The following PIH1D2 variants were observed in gnomAD, a reference collection of about 807,000 sequenced individuals.
PIH1D2 encodes PIH1 domain-containing protein 2.
PIH1D2 carries 25 observed loss-of-function variants against 31.2 expected under a neutral mutation model. The observed-to-expected ratio is 0.80, with a 90% confidence interval of 0.58 to 1.12. The LOEUF is 1.12. Ranked by LOEUF, PIH1D2 falls within the 50% of genes most tolerant of loss-of-function variation. PIH1D2 has a pLI of 0.00. For synonymous variants in PIH1D2, 116 were observed against 119.9 expected, an observed-to-expected ratio of 0.97 and a Z score of 0.21; for missense variants, 310 against 356.6, an observed-to-expected ratio of 0.87 and a Z score of 1.05.
chr11:112,055,008 T>A, the PIH1D2 span, among the ~76,000 whole-genome samples: 1 of 152,292 alleles, frequency 6.6e-6, no homozygotes. Flanking sequence ...CTCAGGATCC[T>A]AATTATACCT....
Position 112,068,011 on chromosome 11 carries a change from A to G in PIH1D2, c.814-6T>C. On this transcript the variant is annotated splice_polypyrimidine_tract_variant and splice_region_variant and intron_variant, in intron 5 of 5. Coordinates refer to ENST00000280350, the MANE Select transcript of PIH1D2 (RefSeq NM_138789.4). ...ACTTCAATCAATAAATCATCCTAAG[A>G]ATAATAAACCAAGAGATTTATTTCC... 1 of 1,536,824 alleles carries G rather than the reference A, an allele frequency of 6.5e-7. No individual in the cohort carries two copies. The highest frequency in any genetic ancestry group is 8.9e-7 in the Non-Finnish European group (1 of 1,121,134).
chr11:112,071,833 C>T, intron 2 of PIH1D2, 75 bp from the exon 3 acceptor site: 1 of 1,533,208 alleles, frequency 6.5e-7, no homozygotes. Context: ...TGGCTCCCGC[C>T]TGTAATCCGA....
chr11:112,059,688 C>T (rs898663426), downstream of PIH1D2, among the ~76,000 whole-genome samples: 2 of 152,118 alleles, frequency 1.3e-5, no homozygotes, highest in Non-Finnish European at 1.5e-5. Flanking sequence ...CCACCGTTCC[C>T]GGACCTCTCT....
At chr11:112,053,761 C>T in the PIH1D2 span, among the ~76,000 whole-genome samples, 16 of 152,138 alleles carry the variant, frequency 1.1e-4, no homozygotes, top group Non-Finnish European at 2.1e-4. Context: ...CCCTTAAACA[C>T]AGCTTTTAAA....
At chr11:112,068,091 T>TA (rs2135202605) in intron 5 of PIH1D2, 86 bp from the exon 6 acceptor site, 1 of 929,818 alleles carries the variant, frequency 1.1e-6, no homozygotes, top group Non-Finnish European at 1.6e-6. Flanking sequence ...TCCTTTGCCA[T>TA]AAAAAGATCC....
rs587740128 is a variant in PIH1D2 at position 112,072,110 on chromosome 11, A to G, written c.178-352T>C. On this transcript the variant is annotated intron_variant, in intron 2 of 5. Coordinates refer to ENST00000280350, the MANE Select transcript of PIH1D2 (RefSeq NM_138789.4). ...CTCCATCTCAAAAAAAACAAAAACA[A>G]AAACATTTAAAAAATAATATCCTAA... is the stretch of plus-strand genomic sequence containing the variant. Among the ~76,000 whole-genome samples the G allele has an allele frequency of 7.2e-5, 11 of 152,226 alleles. No homozygotes were observed. In the East Asian group the frequency reaches 1.5e-3, roughly 21 times the overall value.
chr11:112,070,145 T>C, intron 5 of PIH1D2: 1 of 561,018 alleles, frequency 1.8e-6, no homozygotes, highest in Non-Finnish European at 3.2e-6. Context: ...TCAGTCCTAC[T>C]GATGTAGAAC....
At position 112,070,022 on chromosome 11, in the gene PIH1D2, C is replaced by T. The variant is rs587732166; in HGVS notation, c.813+414G>A. 3 of 208,208 alleles carry T rather than the reference C, an allele frequency of 1.4e-5. No individual in the cohort carries two copies. In the East Asian group the frequency reaches 3.1e-4, roughly 22 times the overall value. The allele number at this position is 208,208 out of a possible 1,614,324, so 12.9% of individuals were successfully genotyped here. A position where few individuals can be genotyped will look rare whatever the true frequency, so the allele number is the denominator to read the frequency against. ...TCCAGAAAGAAGCAAATATTTGCAA[C>T]CAAGAGTGTAGACTGGTAGACTGTA... On this transcript the variant is annotated intron_variant, in intron 5 of 5. Coordinates refer to ENST00000280350, the MANE Select transcript of PIH1D2 (RefSeq NM_138789.4).
At chr11:112,052,880 G>A in the PIH1D2 span, among the ~76,000 whole-genome samples, 3 of 151,978 alleles carry the variant, frequency 2.0e-5, no homozygotes, top group Admixed American at 6.6e-5. Context: ...CCCACCCTAA[G>A]TATCCGTCAT....
chr11:112,061,732 G>A (rs913358873), downstream of PIH1D2, among the ~76,000 whole-genome samples: 1 of 152,070 alleles, frequency 6.6e-6, no homozygotes, highest in Admixed American at 6.5e-5. Context: ...TTACAGGCAT[G>A]TACTACCACA....
In PIH1D2 at chr11:112,071,117, T is replaced by C. The variant is rs1437509171; in HGVS notation, c.468A>G (p.Lys156=). ...HSYHITKFRI[K]GSIQRMKQNL... ...TTTGTTTCATTCTTTGAATGCTTCC[T>C]TTTATTCTAAATTTGGTAATATGGT... Residue 156 remains lysine (K), a synonymous_variant, in exon 4 of 6, where the codon AAA becomes AAG. Coordinates refer to ENST00000280350, the MANE Select transcript of PIH1D2 (RefSeq NM_138789.4). The C allele has an allele frequency of 6.2e-7, 1 of 1,613,828 alleles. No homozygotes were observed. Among genetic ancestry groups the C allele is most frequent in the African/African-American group, 1.3e-5 (1 of 75,044 alleles).
Position 112,067,811 on chromosome 11 carries a change from A to G in PIH1D2, c.*60T>C. The G allele has an allele frequency of 1.3e-6, 2 of 1,583,520 alleles. No homozygotes were observed. On this transcript the variant is annotated 3_prime_UTR_variant, in exon 6 of 6. Transcript: ENST00000280350. Reference sequence around the variant, plus strand: ...AACTACTACCTCTTTAGCCAAAATGAAGGTCCTTTAATTCACATGACTTTA... The same window carrying G: ...AACTACTACCTCTTTAGCCAAAATGGAGGTCCTTTAATTCACATGACTTTA...
intron 5 of PIH1D2, 122 bp from the exon 6 acceptor site, chr11:112,068,127 G>A: frequency 3.0e-6 from 2 of 675,826 alleles, no homozygotes; most frequent in Non-Finnish European, 4.8e-6. Flanking sequence ...GACTTGGAAT[G>A]AGCAAAAAAT....
downstream of PIH1D2, chr11:112,061,022 A>AT (rs781833307): frequency 2.2e-5 from 34 of 1,547,826 alleles, no homozygotes; most frequent in African/African-American, 4.1e-5. Flanking sequence ...TTTATTTTTA[A>AT]TTTTTTTTCC....
the PIH1D2 span, among the ~76,000 whole-genome samples, chr11:112,052,530 A>G: frequency 6.6e-6 from 1 of 152,204 alleles, no homozygotes; most frequent in African/African-American, 2.4e-5. Flanking sequence ...TACAAAGGAT[A>G]TGGATGAACA....
At chr11:112,059,057 A>T (rs1442869305), downstream of PIH1D2, among the ~76,000 whole-genome samples, 1 of 152,080 alleles carries the variant, frequency 6.6e-6, no homozygotes, top group African/African-American at 2.4e-5. Flanking sequence ...TGTGTAAAAA[A>T]AAAAAAAAGA....
downstream of PIH1D2, chr11:112,067,692 A>G (rs1344869607): frequency 9.5e-6 from 1 of 105,656 alleles, no homozygotes; most frequent in Non-Finnish European, 1.8e-5. Context: ...AAAAATATAT[A>G]TATATATATA....
downstream of PIH1D2, chr11:112,064,467 T>C (rs1370809094): frequency 2.3e-6 from 1 of 438,900 alleles, no homozygotes; most frequent in African/African-American, 2.0e-5. Flanking sequence ...CAGCCATGTA[T>C]GTATAAGCTC....
At chr11:112,065,578 G>A (rs1375225702), downstream of PIH1D2, among the ~76,000 whole-genome samples, 1 of 152,030 alleles carries the variant, frequency 6.6e-6, no homozygotes, top group Non-Finnish European at 1.5e-5. Flanking sequence ...TTTTTCAGGA[G>A]ATAAATTATC....
Sources: allele counts gnomAD v4.1 joint callset (sites outside exome capture counted in the v4.1 genomes callset), GRCh38; gene constraint gnomAD v4.1.1; transcripts MANE v1.5; gene names NCBI Gene and HGNC (gene_info 2026-07-23, HGNC 2026-07-21).